The following GIN1 variants were observed in gnomAD, a reference collection of about 807,000 sequenced individuals.
The protein encoded by GIN1 is gypsy retrotransposon integrase-like protein 1.
GIN1 carries 41 observed loss-of-function variants against 51.4 expected under a neutral mutation model. That is an observed-to-expected ratio of 0.80 (90% CI 0.62 to 1.04). GIN1 has a LOEUF of 1.04. GIN1 is among the 50% of genes least tolerant of loss of function. The pLI, the probability that GIN1 is intolerant of heterozygous loss-of-function variation, is 0.00. For missense variants in GIN1, 610 were observed against 612.4 expected (o/e 1.00, Z 0.04); for synonymous variants, 222 against 206.5 (o/e 1.07, Z -0.64).
intron 4 of GIN1, among the ~76,000 whole-genome samples, chr5:103,098,796 A>C (rs1428871342): frequency 6.6e-6 from 1 of 152,164 alleles, no homozygotes; most frequent in Non-Finnish European, 1.5e-5. Flanking sequence ...AGTGTCTCAA[A>C]AACAACCCAC....
intron 1 of GIN1, among the ~76,000 whole-genome samples, chr5:103,118,634 T>C (rs1583141926): frequency 6.6e-6 from 1 of 151,798 alleles, no homozygotes; most frequent in African/African-American, 2.4e-5. Context: ...CAAGGAGAAA[T>C]AGAAAATGCG....
At chr5:103,113,463 T>A (rs1787940085) in intron 1 of GIN1, among the ~76,000 whole-genome samples, 1 of 151,462 alleles carries the variant, frequency 6.6e-6, no homozygotes, top group African/African-American at 2.4e-5. Context: ...ATACAGGCAC[T>A]AATCCCATTA....
intron 7 of GIN1, among the ~76,000 whole-genome samples, chr5:103,092,362 T>C (rs1787266866): frequency 6.6e-6 from 1 of 152,030 alleles, no homozygotes. Flanking sequence ...TAAATTTCCC[T>C]GAGAAAAATA....
At chr5:103,108,161 T>C (rs1554196538) in intron 2 of GIN1, among the ~76,000 whole-genome samples, 1 of 152,036 alleles carries the variant, frequency 6.6e-6, no homozygotes, top group African/African-American at 2.4e-5. Flanking sequence ...CACAGAAATA[T>C]AGTTAATTCC....
At chr5:103,115,874 C>T (rs1788017472) in intron 1 of GIN1, among the ~76,000 whole-genome samples, 2 of 152,078 alleles carry the variant, frequency 1.3e-5, no homozygotes, top group South Asian at 4.1e-4. Flanking sequence ...ATCCAATTCA[C>T]AAATAGAGGG....
rs1787128675 is a variant in GIN1, at chr5:103,088,054, T to C, written c.1413A>G (p.Ile471Met). The C allele has an allele frequency of 6.2e-7, 1 of 1,610,628 alleles. No homozygotes were observed. Among genetic ancestry groups the C allele is most frequent in the Non-Finnish European group, 8.5e-7 (1 of 1,176,996 alleles). Residue 471 changes from isoleucine (I) to methionine (M), a missense_variant, in exon 8 of 8, where the codon ATA (isoleucine) becomes ATG (methionine). Coordinates refer to ENST00000399004, the MANE Select transcript of GIN1 (RefSeq NM_017676.2). ...TTGATGTCAGTAATTCATTATCGAC[T>C]ATACCAATAGTTGCATCTTCCACCA... The part of the protein sequence containing the change: ...NILVEDATIG[I>M]VDNELLTSSK...
chr5:103,094,717 A>AG (rs1296461380), intron 7 of GIN1, among the ~76,000 whole-genome samples: 1 of 152,208 alleles, frequency 6.6e-6, no homozygotes, highest in African/African-American at 2.4e-5. Context: ...TCAAAGATTA[A>AG]GGGGAAAATC....
intron 1 of GIN1, among the ~76,000 whole-genome samples, chr5:103,111,715 A>G (rs2151475872): frequency 6.6e-6 from 1 of 152,072 alleles, no homozygotes; most frequent in East Asian, 1.9e-4. Flanking sequence ...CAGCCATTGG[A>G]AAAAAAATGT....
intron 2 of GIN1, among the ~76,000 whole-genome samples, chr5:103,107,825 G>C (rs1328133923): frequency 1.3e-5 from 2 of 151,964 alleles, no homozygotes; most frequent in Non-Finnish European, 2.9e-5. Context: ...TTATTGGTAG[G>C]GATATACACA....
chr5:103,115,170 G>C (rs1787998475), intron 1 of GIN1, among the ~76,000 whole-genome samples: 1 of 152,196 alleles, frequency 6.6e-6, no homozygotes, highest in Non-Finnish European at 1.5e-5. Context: ...TAATAAACAA[G>C]ATGTAGATTC....
intron 7 of GIN1, among the ~76,000 whole-genome samples, chr5:103,095,057 G>A (rs1381598112): frequency 6.6e-6 from 1 of 152,198 alleles, no homozygotes; most frequent in East Asian, 1.9e-4. Context: ...TCAAGAAAAG[G>A]CATAGGGTAA....
intron 1 of GIN1, among the ~76,000 whole-genome samples, chr5:103,116,122 A>T (rs1394660209): frequency 6.6e-6 from 1 of 152,146 alleles, no homozygotes; most frequent in Non-Finnish European, 1.5e-5. Context: ...CTTTTGCAGA[A>T]ACTGACAGGC....
intron 1 of GIN1, among the ~76,000 whole-genome samples, chr5:103,114,782 T>C (rs986224523): frequency 1.3e-5 from 2 of 152,168 alleles, no homozygotes; most frequent in African/African-American, 4.8e-5. Context: ...CTCCCAAATA[T>C]ATTGTAAATC....
chr5:103,103,233 G>A (rs1787625034), intron 4 of GIN1, among the ~76,000 whole-genome samples: 2 of 152,214 alleles, frequency 1.3e-5, no homozygotes, highest in Admixed American at 1.3e-4. Context: ...TGAGACTCTA[G>A]TGAGCTTCCT....
At chr5:103,090,925 ACT>A (rs1188967977) in intron 7 of GIN1, among the ~76,000 whole-genome samples, 4 of 147,976 alleles carry the variant, frequency 2.7e-5, no homozygotes, top group African/African-American at 4.9e-5. Flanking sequence ...ACACACACAC[ACT>A]CTTTTTCTTC....
chr5:103,099,676 C>T (rs1562329414), intron 4 of GIN1, among the ~76,000 whole-genome samples: 1 of 152,200 alleles, frequency 6.6e-6, no homozygotes, highest in Admixed American at 6.5e-5. Context: ...CCCCAACCAT[C>T]AAACCAGATA....
At chr5:103,094,693 G>C (rs1787342572) in intron 7 of GIN1, among the ~76,000 whole-genome samples, 1 of 152,146 alleles carries the variant, frequency 6.6e-6, no homozygotes, top group African/African-American at 2.4e-5. Context: ...TTAGAAGAGA[G>C]CAAATCATGA....
intron 1 of GIN1, among the ~76,000 whole-genome samples, chr5:103,110,200 C>CAA (rs34396736): frequency 6.1e-4 from 87 of 142,192 alleles, no homozygotes; most frequent in Non-Finnish European, 1.2e-3. Flanking sequence ...AAATAAGACA[C>CAA]AAAAAAAAAA....
At chr5:103,097,804 G>T (rs1787451319) in intron 4 of GIN1, 23 bp from the exon 5 acceptor site, 1 of 1,049,370 alleles carries the variant, frequency 9.5e-7, no homozygotes. Context: ...TAAAACAAAG[G>T]TGGCTTTTTA....
Sources: gnomAD v4.1 joint callset for allele counts (sites outside exome capture counted in the v4.1 genomes callset) on GRCh38, gnomAD v4.1.1 for gene constraint, MANE v1.5 for transcripts, NCBI Gene and HGNC (gene_info 2026-07-23, HGNC 2026-07-21) for gene names.